Variants in MYLK observed in about 807,000 individuals in gnomAD.
The protein encoded by MYLK is myosin light chain kinase.
MYLK carries 106 observed loss-of-function variants against 203.4 expected under a neutral mutation model. The ratio of observed to expected loss-of-function variants is 0.52; its 90% CI spans 0.45 to 0.61. The LOEUF (loss-of-function observed/expected upper bound fraction) is 0.61. Among genes scored for constraint, MYLK ranks in the 20% least tolerant of loss-of-function variants. The pLI is 0.00. For missense variants in MYLK, 2,072 were observed against 2,442.3 expected, an observed-to-expected ratio of 0.85 and a Z score of 3.20; for synonymous variants, 867 against 959.5, an observed-to-expected ratio of 0.90 and a Z score of 1.78.
chr3:123,819,074 T>C (rs1197963248), intron 3 of MYLK, among the ~76,000 whole-genome samples: 1 of 152,170 alleles, frequency 6.6e-6, no homozygotes, highest in Non-Finnish European at 1.5e-5. Flanking sequence ...GGTCAGTGCT[T>C]GGTGCATGAC....
At chr3:123,714,400 C>A (rs6786864) in intron 13 of MYLK, among the ~76,000 whole-genome samples, 6,259 of 152,198 alleles carry the variant, frequency 0.041, 429 homozygotes, top group African/African-American at 0.14. Flanking sequence ...GGGAGTCACT[C>A]CTCTCTGCTT....
At position 123,700,739 on chromosome 3, in the gene MYLK, A is replaced by G. The variant is rs1392489184; in HGVS notation, c.2729T>C (p.Leu910Pro). The G allele has an allele frequency of 6.2e-7, 1 of 1,614,144 alleles. No individual in the cohort carries two copies. Among genetic ancestry groups the G allele is most frequent in the East Asian group, 2.2e-5 (1 of 44,876 alleles). The change falls in exon 18 of 34, where the codon CTA (leucine) becomes CCA (proline). Residue 910 changes from leucine (L) to proline (P), a missense_variant. Physicochemically the swap from Leu to Pro is moderately conservative, Grantham distance 98. Coordinates refer to ENST00000360304, the MANE Select transcript of MYLK (RefSeq NM_053025.4). ...GATCTCCTTCAGGTCGTCTTCCGAT[A>G]GGGTCTTTGTACTCACCTTCTTCCC... ...LLGKKVSTKT[L>P]SEDDLKEIPA...
At chr3:123,767,049 A>G (rs2063727770) in intron 4 of MYLK, among the ~76,000 whole-genome samples, 1 of 152,220 alleles carries the variant, frequency 6.6e-6, no homozygotes, top group Non-Finnish European at 1.5e-5. Context: ...GCATCTGGAA[A>G]AATGGAGGGA....
At chr3:123,638,503 C>T (rs2058724809) in intron 28 of MYLK, among the ~76,000 whole-genome samples, 1 of 152,196 alleles carries the variant, frequency 6.6e-6, no homozygotes, top group African/African-American at 2.4e-5. Context: ...TTCCCCTAGG[C>T]AGGGACTGTG....
chr3:123,744,059 ATATCCGCTTTT>A (rs764625954), intron 5 of MYLK, among the ~76,000 whole-genome samples: 5 of 127,200 alleles, frequency 3.9e-5, no homozygotes, highest in Non-Finnish European at 8.2e-5. Flanking sequence ...ATCAGAACAA[ATATCCGCTTTT>A]TATAACACGT....
At chr3:123,701,149 A>G in intron 17 of MYLK, 144 bp from the exon 18 acceptor site, 2 of 1,192,680 alleles carry the variant, frequency 1.7e-6, no homozygotes, top group South Asian at 1.3e-5. Context: ...GGCTGTGTTT[A>G]TAGATGGGAA....
At chr3:123,774,607 T>C (rs1185201584) in intron 4 of MYLK, among the ~76,000 whole-genome samples, 2 of 152,266 alleles carry the variant, frequency 1.3e-5, no homozygotes, top group East Asian at 3.9e-4. Flanking sequence ...GGCAAGAAAG[T>C]TCCAAGTATC....
At chr3:123,744,880 A>T (rs1317272685) in intron 5 of MYLK, among the ~76,000 whole-genome samples, 2 of 152,230 alleles carry the variant, frequency 1.3e-5, no homozygotes, top group Non-Finnish European at 1.5e-5. Context: ...CATCTCCATT[A>T]ACTTAATACT....
At chr3:123,866,625 A>G (rs1330942691) in intron 2 of MYLK, among the ~76,000 whole-genome samples, 3 of 152,176 alleles carry the variant, frequency 2.0e-5, no homozygotes, top group African/African-American at 4.8e-5. Flanking sequence ...AGGCCAGGAA[A>G]GGCCTCATGG....
intron 4 of MYLK, among the ~76,000 whole-genome samples, chr3:123,782,394 AT>A (rs1322001022): frequency 6.6e-6 from 1 of 152,104 alleles, no homozygotes; most frequent in Non-Finnish European, 1.5e-5. Context: ...ATCATGTTTT[AT>A]TTTTCTTTGT....
chr3:123,822,060 C>G (rs1439357950), intron 3 of MYLK, among the ~76,000 whole-genome samples: 2 of 152,164 alleles, frequency 1.3e-5, no homozygotes, highest in East Asian at 3.9e-4. Context: ...TCCTCTTGCT[C>G]TCTTATTCTC....
rs138476288 is a variant in MYLK at position 123,657,960 on chromosome 3, T to C, written c.3986-532A>G. Among the ~76,000 whole-genome samples, 57 of 152,324 alleles carry C rather than the reference T, an allele frequency of 3.7e-4. No homozygotes were observed. In the East Asian group the frequency reaches 6.6e-3, roughly 18 times the overall value. On this transcript the variant is annotated intron_variant, in intron 23 of 33. Transcript: ENST00000360304. ...TGTTTGTGCTCTGAAGTCAGACAGA[T>C]TCAAGTTTGAACACAGATCTGTCCC...
chr3:123,752,215 T>A (rs1576846935), intron 5 of MYLK, 116 bp downstream of exon 5: 1 of 1,075,426 alleles, frequency 9.3e-7, no homozygotes. Context: ...AAGGATGGGG[T>A]GTGTTTTCTC....
intron 22 of MYLK, among the ~76,000 whole-genome samples, chr3:123,665,927 C>G (rs1338257315): frequency 2.6e-5 from 4 of 152,192 alleles, no homozygotes; most frequent in African/African-American, 9.7e-5. Context: ...GAATAGGATT[C>G]TAGACTGTGC....
chr3:123,825,321 G>A (rs1306257311), intron 3 of MYLK, among the ~76,000 whole-genome samples: 2 of 152,160 alleles, frequency 1.3e-5, no homozygotes, highest in African/African-American at 4.8e-5. Flanking sequence ...CACCTGTGGT[G>A]TCCAGGAGGG....
Position 123,684,616 on chromosome 3 carries a change from G to C in MYLK, c.3566-2306C>G, listed in dbSNP as rs181739981. On this transcript the variant is annotated intron_variant, in intron 19 of 33. Transcript: ENST00000360304. ...GGCTGGACTGCAGTGACATGATCTC[G>C]GCTCACTGCAACCTCTGCCTCCCAG... 2.8e-3 allele frequency among the ~76,000 whole-genome samples: 417 copies of C among 151,138 alleles called. 2 individuals are homozygous for C. The highest frequency in any genetic ancestry group is 0.01 in the African/African-American group (411 of 40,594).
At chr3:123,654,485 G>T (rs551138065) in intron 24 of MYLK, among the ~76,000 whole-genome samples, 4 of 152,118 alleles carry the variant, frequency 2.6e-5, no homozygotes, top group African/African-American at 7.2e-5. Flanking sequence ...TGCCTCACTT[G>T]ATTTCTAATT....
At chr3:123,671,471 G>A (rs570895482) in intron 20 of MYLK, among the ~76,000 whole-genome samples, 1 of 152,290 alleles carries the variant, frequency 6.6e-6, no homozygotes, top group South Asian at 2.1e-4. Context: ...GAGAGCAGGA[G>A]GAGTGTCGCC....
At chr3:123,863,603 C>T (rs9682818) in intron 2 of MYLK, among the ~76,000 whole-genome samples, 123,274 of 152,052 alleles carry the variant, frequency 0.81, 50,061 homozygotes, top group East Asian at 0.96. Context: ...CACATAATAG[C>T]GCTTAATATC....
Sources: allele counts gnomAD v4.1 joint callset (sites outside exome capture counted in the v4.1 genomes callset), GRCh38; gene constraint gnomAD v4.1.1; transcripts MANE v1.5; gene names NCBI Gene and HGNC (gene_info 2026-07-23, HGNC 2026-07-21).